The following SDK2 variants were observed in gnomAD, a reference collection of about 807,000 sequenced individuals.
SDK2 encodes the protein sidekick cell adhesion molecule 2, also known as protein sidekick-2.
Under a neutral mutation model 253.9 loss-of-function variants are expected in SDK2, and 105 were observed. That is an observed-to-expected ratio of 0.41 (90% CI 0.35 to 0.49). SDK2 has a LOEUF of 0.49. Among genes scored for constraint, SDK2 ranks in the 20% least tolerant of loss-of-function variants. The pLI, the probability that SDK2 is intolerant of heterozygous loss-of-function variation, is 0.06. For missense variants in SDK2, 2,608 were observed against 3,003.0 expected, an observed-to-expected ratio of 0.87 and a Z score of 3.07; for synonymous variants, 1,249 against 1,234.9, an observed-to-expected ratio of 1.01 and a Z score of -0.24.
intron 41 of SDK2, among the ~76,000 whole-genome samples, chr17:73,351,642 T>A (rs1033762935): frequency 2.6e-5 from 4 of 151,796 alleles, no homozygotes; most frequent in Non-Finnish European, 5.9e-5. Flanking sequence ...AAAACCAGAG[T>A]GTGGTGAGAG....
Position 73,414,525 on chromosome 17 carries a change from C to T in SDK2, c.2484+119G>A. On this transcript the variant is annotated intron_variant, in intron 18 of 44. Coordinates refer to ENST00000392650, the MANE Select transcript of SDK2 (RefSeq NM_001144952.2). The stretch of plus-strand genomic sequence containing the variant: ...CCTCTAATGTGTGTCCCTAGCTTGA[C>T]TCGAGCCAATGACTTCAGAAACAGA... The T allele has an allele frequency of 6.7e-6, 5 of 749,492 alleles. No homozygotes were observed. In the South Asian group the frequency reaches 6.8e-5, roughly 10 times the overall value. The allele number at this position is 749,492 out of a possible 1,614,324, so 46.4% of individuals were successfully genotyped here. A position where few individuals can be genotyped will look rare whatever the true frequency, so the allele number is the denominator to read the frequency against.
Position 73,628,146 on chromosome 17 carries a change from C to T in SDK2, c.64+15879G>A, listed in dbSNP as rs557159963. 5.9e-5 allele frequency among the ~76,000 whole-genome samples: 9 copies of T among 152,400 alleles called. No individual in the cohort carries two copies. The South Asian group carries it at 1.9e-3, about 32-fold the overall frequency. ...AAAGGCTAAGTCATCTGGCCAAGGT[C>T]ATTTAGCCAAGCAGGCAGAACTAGG... On this transcript the variant is annotated intron_variant, in intron 1 of 44. Transcript: ENST00000392650.
chr17:73,396,126 G>A (rs1001598254), intron 24 of SDK2, among the ~76,000 whole-genome samples: 5 of 152,076 alleles, frequency 3.3e-5, no homozygotes, highest in African/African-American at 7.2e-5. Context: ...TCATCTGCTC[G>A]CCTCGGCCTC....
Position 73,481,440 on chromosome 17 carries a change from C to T in SDK2, c.225-9222G>A, listed in dbSNP as rs553429719. ...GCCCAGACAGCTGGTAAAGGATGGT[C>T]TGGGTGTGTCTGTGAGGGTGTTTCT... On this transcript the variant is annotated intron_variant, in intron 2 of 44. Coordinates refer to ENST00000392650, the MANE Select transcript of SDK2 (RefSeq NM_001144952.2). The surrounding 1 kb of genome is among the most constrained non-coding windows in gnomAD (Gnocchi z 4.5). Among the ~76,000 whole-genome samples, 1 of 152,160 alleles carries T rather than the reference C, an allele frequency of 6.6e-6. No homozygotes were observed. Among genetic ancestry groups the T allele is most frequent in the East Asian group, 1.9e-4 (1 of 5,168 alleles).
At chr17:73,372,852 A>G (rs1220138216) in intron 36 of SDK2, among the ~76,000 whole-genome samples, 1 of 152,258 alleles carries the variant, frequency 6.6e-6, no homozygotes, top group Admixed American at 6.5e-5. Flanking sequence ...TGAAATGATT[A>G]CCACAATCAA....
chr17:73,357,944 G>C, intron 40 of SDK2, 135 bp downstream of exon 40: 1 of 1,346,058 alleles, frequency 7.4e-7, no homozygotes, highest in Non-Finnish European at 1.1e-6. Context: ...TCCTCAACAG[G>C]GCCAGGTGAC....
intron 3 of SDK2, among the ~76,000 whole-genome samples, chr17:73,456,832 G>T (rs2063528971): frequency 6.6e-6 from 1 of 152,220 alleles, no homozygotes. Context: ...GGGGTAGGGA[G>T]ACTAATTCCA....
chr17:73,350,844 A>G, intron 41 of SDK2, 54 bp from the exon 42 acceptor site: 1 of 1,540,762 alleles, frequency 6.5e-7, no homozygotes, highest in Non-Finnish European at 8.7e-7. Context: ...CTCCCTCCAA[A>G]TCTCCTGCTC....
intron 6 of SDK2, among the ~76,000 whole-genome samples, chr17:73,440,421 C>T (rs2063405995): frequency 6.6e-6 from 1 of 152,126 alleles, no homozygotes; most frequent in Non-Finnish European, 1.5e-5. Flanking sequence ...CTCTTAACCA[C>T]CATGTGAATC....
At position 73,365,173 on chromosome 17, in the gene SDK2, G is replaced by A. The variant is rs1044938607; in HGVS notation, c.5305+85C>T. On this transcript the variant is annotated intron_variant, in intron 38 of 44. Transcript: ENST00000392650. ...GAGACTCTCACCGAATCTCACTCAT[G>A]TGTAGTGGCTGTGATGGGCGCTGAG... 5.0e-5 allele frequency: 51 copies of A among 1,014,428 alleles called. No individual in the cohort carries two copies. In the African/African-American group the frequency reaches 7.9e-4, roughly 16 times the overall value. The allele number at this position is 1,014,428 out of a possible 1,614,324, so 62.8% of individuals were successfully genotyped here. A position where few individuals can be genotyped will look rare whatever the true frequency, so the allele number is the denominator to read the frequency against.
rs984081466 is a variant in SDK2, at chr17:73,534,420, G to A, written c.65-26823C>T. Among the ~76,000 whole-genome samples the A allele has an allele frequency of 6.6e-6, 1 of 152,122 alleles. No individual in the cohort carries two copies. The highest frequency in any genetic ancestry group is 1.5e-5 in the Non-Finnish European group (1 of 68,036). On this transcript the variant is annotated intron_variant, in intron 1 of 44. Coordinates refer to ENST00000392650, the MANE Select transcript of SDK2 (RefSeq NM_001144952.2). This position sits in a 1 kb window ranked among gnomAD's most constrained non-coding sequence, Gnocchi z 4.9. ...GGGACAGAGGCAGTGCTAAAGAGAC[G>A]ATTGCCGACAGATGCCTGACCTCTG...
Position 73,410,922 on chromosome 17 carries a change from G to A in SDK2, c.2484+3722C>T, listed in dbSNP as rs145125795. Among the ~76,000 whole-genome samples the A allele has an allele frequency of 4.1e-4, 62 of 152,250 alleles. No individual in the cohort carries two copies. In the South Asian group the frequency reaches 5.0e-3, roughly 12 times the overall value. Reference sequence around the variant, plus strand: ...CCATGGGCTGGCCTTCCTGGCCCTCGGGGGAGCTGTTTGCCTTAAAAGTTT... The same window carrying A: ...CCATGGGCTGGCCTTCCTGGCCCTCAGGGGAGCTGTTTGCCTTAAAAGTTT... On this transcript the variant is annotated intron_variant, in intron 18 of 44. Coordinates refer to ENST00000392650, the MANE Select transcript of SDK2 (RefSeq NM_001144952.2).
At chr17:73,568,961 C>T (rs1438639358) in intron 1 of SDK2, among the ~76,000 whole-genome samples, 1 of 152,198 alleles carries the variant, frequency 6.6e-6, no homozygotes, top group Non-Finnish European at 1.5e-5. Flanking sequence ...GTTGAAAAAG[C>T]ACCTATTATG....
intron 42 of SDK2, 63 bp downstream of exon 42, chr17:73,350,587 T>C: frequency 6.4e-7 from 1 of 1,557,766 alleles, no homozygotes; most frequent in Non-Finnish European, 8.7e-7. Flanking sequence ...ACCCCTGTTC[T>C]GGCCAAAAAG....
intron 39 of SDK2, 58 bp from the exon 40 acceptor site, chr17:73,358,262 G>T (rs147535994): frequency 6.5e-7 from 1 of 1,544,640 alleles, no homozygotes; most frequent in African/African-American, 1.4e-5. Context: ...CACCCAGCCC[G>T]TCACCCTGGG....
chr17:73,469,609 G>A (rs1379172630), intron 3 of SDK2, among the ~76,000 whole-genome samples: 1 of 152,178 alleles, frequency 6.6e-6, no homozygotes, highest in Non-Finnish European at 1.5e-5. Flanking sequence ...TGTGAAGGTA[G>A]AAGGACCTGT....
chr17:73,385,938 G>T, intron 31 of SDK2, 21 bp from the exon 32 acceptor site: 1 of 1,579,472 alleles, frequency 6.3e-7, no homozygotes, highest in Non-Finnish European at 8.6e-7. Flanking sequence ...AAGCAGACAG[G>T]TGGGTTCTGG....
chr17:73,439,752 C>T (rs1001336868), intron 6 of SDK2, among the ~76,000 whole-genome samples: 2 of 152,174 alleles, frequency 1.3e-5, no homozygotes, highest in Non-Finnish European at 2.9e-5. Context: ...CAGATCATTC[C>T]CATTTTACAG....
chr17:73,365,358 C>G lies in SDK2; in HGVS notation c.5205G>C (p.Leu1735=). 6.2e-7 allele frequency: 1 copy of G among 1,612,152 alleles called. No individual in the cohort carries two copies. The highest frequency in any genetic ancestry group is 8.5e-7 in the Non-Finnish European group (1 of 1,179,188). ...AGGACACATTCACTGAGGTTGTGGT[C>G]AGCTCACTGAACTTGACCGAGCTGG... ...SAPSSVKFSE[L]TTTSVNVSWE... The change falls in exon 38 of 45, where the codon CTG becomes CTC. Residue 1735 remains leucine, a synonymous_variant. Coordinates refer to ENST00000392650, the MANE Select transcript of SDK2 (RefSeq NM_001144952.2).
Sources: allele counts gnomAD v4.1 joint callset (sites outside exome capture counted in the v4.1 genomes callset), GRCh38; gene constraint gnomAD v4.1.1; non-coding constraint Gnocchi (gnomAD v3.1); transcripts MANE v1.5; gene names NCBI Gene and HGNC (gene_info 2026-07-23, HGNC 2026-07-21).